PCDHGB4: variants seen among roughly 807,000 people sequenced by gnomAD.
PCDHGB4 encodes the protein protocadherin gamma-B4.
PCDHGB4 carries 38 observed loss-of-function variants against 60.5 expected under a neutral mutation model. That is an observed-to-expected ratio of 0.63 (90% confidence interval 0.48 to 0.82). The LOEUF (loss-of-function observed/expected upper bound fraction) is 0.82, where lower values mean the gene tolerates loss of function less well. PCDHGB4 is among the 40% of genes least tolerant of loss of function. PCDHGB4 has a pLI of 0.00. For missense variants in PCDHGB4, 1,109 were observed against 1,209.6 expected, an observed-to-expected ratio of 0.92 and a Z score of 1.23; for synonymous variants, 456 against 509.7, an observed-to-expected ratio of 0.89 and a Z score of 1.42.
chr5:141,405,050 G>T, intron 1 of PCDHGB4: 1 of 1,613,866 alleles, frequency 6.2e-7, no homozygotes, highest in South Asian at 1.1e-5. Flanking sequence ...TGTGGCAGTC[G>T]TCTCCTGTGT....
At chr5:141,414,570 C>G (rs1253876890) in intron 1 of PCDHGB4, 13 of 1,613,862 alleles carry the variant, frequency 8.1e-6, no homozygotes, top group Non-Finnish European at 1.0e-5. Flanking sequence ...TTACCTATAT[C>G]CCAGAGAACA....
chr5:141,413,081 C>A, intron 1 of PCDHGB4: 2 of 1,339,424 alleles, frequency 1.5e-6, no homozygotes, highest in Non-Finnish European at 2.0e-6. Context: ...GCCCAGGCTA[C>A]AGAGACACCC....
rs559316235 is a variant in PCDHGB4, at chr5:141,398,652, C to T, written c.2397+8371C>T. 27 of 1,613,990 alleles carry T rather than the reference C, an allele frequency of 1.7e-5. No homozygotes were observed. The East Asian group carries it at 5.1e-4, about 31-fold the overall frequency. ...TGCAGAAGTATAAACTCTCTCTTAA[C>T]CCAAGTTTCTCATTAATAATTAAGG... On this transcript the variant is annotated intron_variant, in intron 1 of 3. Coordinates refer to ENST00000519479, the MANE Select transcript of PCDHGB4 (RefSeq NM_003736.4).
chr5:141,422,304 A>C (rs1265775894), intron 1 of PCDHGB4: 2 of 1,548,406 alleles, frequency 1.3e-6, no homozygotes. Context: ...CAATTCTGGA[A>C]AACTCTCCTC....
Position 141,431,428 on chromosome 5 carries a change from A to G in PCDHGB4, c.2397+41147A>G. The stretch of plus-strand genomic sequence containing the variant: ...CCGACGGGGGCGACCCGGTGCGCAC[A>G]GGCACCGCGCGCATCCGCGTGATGG... On this transcript the variant is annotated intron_variant, in intron 1 of 3. Transcript: ENST00000519479. This position sits in a 1 kb window ranked among gnomAD's most constrained non-coding sequence, Gnocchi z 4.8. The G allele has an allele frequency of 6.2e-7, 1 of 1,613,664 alleles. No individual in the cohort carries two copies. Among genetic ancestry groups the G allele is most frequent in the Non-Finnish European group, 8.5e-7 (1 of 1,179,998 alleles).
intron 1 of PCDHGB4, chr5:141,404,202 AAT>A: frequency 6.2e-7 from 1 of 1,613,738 alleles, no homozygotes; most frequent in Non-Finnish European, 8.5e-7. Context: ...AAAGCCTCAG[AAT>A]ATAATATCAC....
chr5:141,417,028 GTTT>G, intron 1 of PCDHGB4: 2 of 150,056 alleles, frequency 1.3e-5, no homozygotes, highest in East Asian at 3.9e-4. Flanking sequence ...AAAAATACAG[GTTT>G]TTTTTTTAAA....
At chr5:141,409,960 C>T (rs1182396334) in intron 1 of PCDHGB4, 1 of 1,613,416 alleles carries the variant, frequency 6.2e-7, no homozygotes. Context: ...AGCCCGGCTA[C>T]CTAGTGACTA....
intron 1 of PCDHGB4, among the ~76,000 whole-genome samples, chr5:141,457,015 A>T (rs1216403373): frequency 6.6e-6 from 1 of 152,182 alleles, no homozygotes; most frequent in Admixed American, 6.5e-5. Context: ...AATCCAATAA[A>T]AAGTCCTAGT....
intron 1 of PCDHGB4, among the ~76,000 whole-genome samples, chr5:141,465,300 G>A (rs904996219): frequency 1.3e-5 from 2 of 152,112 alleles, no homozygotes; most frequent in Non-Finnish European, 2.9e-5. Flanking sequence ...TGAGAGTCCT[G>A]GGAATTTAGC....
chr5:141,423,554 A>G (rs1383467583), intron 1 of PCDHGB4: 8 of 1,613,590 alleles, frequency 5.0e-6, no homozygotes, highest in East Asian at 4.5e-5. Flanking sequence ...CAGCCCAACT[A>G]TGGGGACACG....
At chr5:141,414,916 C>T in intron 1 of PCDHGB4, 2 of 1,614,194 alleles carry the variant, frequency 1.2e-6, no homozygotes, top group Non-Finnish European at 1.7e-6. Context: ...AGGCGTGGAG[C>T]TGGCGCCCCG....
In PCDHGB4 at chr5:141,432,413, G is replaced by A; in HGVS notation, c.2397+42132G>A. 1.2e-6 allele frequency: 2 copies of A among 1,614,232 alleles called. No homozygotes were observed. The highest frequency in any genetic ancestry group is 2.2e-5 in the South Asian group (2 of 91,082). Reference sequence around the variant, plus strand: ...CAGCAACGTGTCGTTGAGCCTGTTCGTGCTGGACCAGAACGACAATGCGCC... The same window carrying A: ...CAGCAACGTGTCGTTGAGCCTGTTCATGCTGGACCAGAACGACAATGCGCC... On this transcript the variant is annotated intron_variant, in intron 1 of 3. Coordinates refer to ENST00000519479, the MANE Select transcript of PCDHGB4 (RefSeq NM_003736.4). The surrounding 1 kb of genome is among the most constrained non-coding windows in gnomAD (Gnocchi z 6.0).
At chr5:141,482,901 A>T (rs192886570) in intron 1 of PCDHGB4, among the ~76,000 whole-genome samples, 2 of 152,240 alleles carry the variant, frequency 1.3e-5, no homozygotes, top group African/African-American at 4.8e-5. Flanking sequence ...GTGAAACCTC[A>T]TCTCTATTAA....
intron 1 of PCDHGB4, chr5:141,419,367 C>T (rs1157934416): frequency 6.2e-7 from 1 of 1,613,652 alleles, no homozygotes; most frequent in Admixed American, 1.7e-5. Context: ...ACGCTGTCGT[C>T]CTACGTGTCC....
At chr5:141,467,099 C>T (rs2099136810) in intron 1 of PCDHGB4, among the ~76,000 whole-genome samples, 1 of 149,976 alleles carries the variant, frequency 6.7e-6, no homozygotes, top group Admixed American at 6.7e-5. Context: ...GTCACACAGG[C>T]TGGAGTACAA....
intron 1 of PCDHGB4, chr5:141,426,748 C>T: frequency 2.2e-6 from 1 of 455,172 alleles, no homozygotes; most frequent in African/African-American, 2.0e-5. Context: ...GGCCTGGAAT[C>T]TGCTATAGAT....
chr5:141,393,720 A>G (rs371093729), intron 1 of PCDHGB4: 2 of 1,613,770 alleles, frequency 1.2e-6, no homozygotes, highest in African/African-American at 1.3e-5. Context: ...GGAAATATCA[A>G]TAGCAAAAAG....
At chr5:141,392,818 C>A in intron 1 of PCDHGB4, 1 of 1,589,060 alleles carries the variant, frequency 6.3e-7, no homozygotes, top group Non-Finnish European at 8.6e-7. Flanking sequence ...ACAACAATGG[C>A]CGCTCCACAG....
Sources: gnomAD v4.1 joint callset for allele counts (sites outside exome capture counted in the v4.1 genomes callset) on GRCh38, gnomAD v4.1.1 for gene constraint, Gnocchi (gnomAD v3.1) non-coding constraint, MANE v1.5 for transcripts, NCBI Gene and HGNC (gene_info 2026-07-23, HGNC 2026-07-21) for gene names.